STS: variants seen among roughly 807,000 people sequenced by gnomAD.
The protein encoded by STS is steryl-sulfatase.
Under a neutral mutation model 26.8 loss-of-function variants are expected in STS, and 7 were observed. The observed-to-expected ratio is 0.26, with a 90% CI of 0.15 to 0.49. STS has a LOEUF of 0.49. STS is among the 20% of genes least tolerant of loss of function. The pLI is 0.98. For missense variants in STS, 434 were observed against 465.6 expected (o/e 0.93, Z 0.63); for synonymous variants, 199 against 189.4 (o/e 1.05, Z -0.42).
At chrX:7,300,883 A>G (rs1285284016) in intron 7 of STS, among the ~76,000 whole-genome samples, 1 of 111,529 alleles carries the variant, frequency 9.0e-6, no homozygotes, top group African/African-American at 3.3e-5. Context: ...AGGATGCAGG[A>G]TATTTCAGTT....
chrX:7,258,165 T>C (rs181489673), intron 5 of STS, among the ~76,000 whole-genome samples: 139 of 99,630 alleles, frequency 1.4e-3, no homozygotes, highest in Non-Finnish European at 1.9e-3. Flanking sequence ...GGGACAAAGA[T>C]GAGATAGATA....
intron 2 of STS, among the ~76,000 whole-genome samples, chrX:7,202,150 A>T (rs1162737973): frequency 3.6e-5 from 4 of 111,717 alleles, no homozygotes; most frequent in African/African-American, 1.3e-4. Flanking sequence ...ACATAAATAC[A>T]TGTATTTAGC....
chrX:7,260,763 T>C (rs1474942502), intron 6 of STS, among the ~76,000 whole-genome samples: 2 of 111,923 alleles, frequency 1.8e-5, no homozygotes, highest in African/African-American at 6.5e-5. Flanking sequence ...GATAATGGCT[T>C]ATGTTTAGTT....
chrX:7,265,498 A>C (rs1176970458), intron 6 of STS, among the ~76,000 whole-genome samples: 2 of 112,342 alleles, frequency 1.8e-5, no homozygotes. Flanking sequence ...GATCATGAGG[A>C]TATTGAAGCC....
chrX:7,151,505 T>A (rs1233892205), intron 1 of STS, among the ~76,000 whole-genome samples: 1 of 112,145 alleles, frequency 8.9e-6, no homozygotes, highest in Non-Finnish European at 1.9e-5. Context: ...TTAGGAAGTC[T>A]CTTGCTTCAG....
chrX:7,152,100 C>A (rs1267511740), intron 1 of STS, among the ~76,000 whole-genome samples: 1 of 109,870 alleles, frequency 9.1e-6, no homozygotes, highest in Non-Finnish European at 1.9e-5. Flanking sequence ...CTACAGGCAC[C>A]CGCCACTATG....
chrX:7,204,403 A>C (rs1257325706), intron 2 of STS, among the ~76,000 whole-genome samples: 1 of 110,819 alleles, frequency 9.0e-6, no homozygotes, highest in Non-Finnish European at 1.9e-5. Flanking sequence ...TTGTTTTCTC[A>C]TTCATCATTT....
At chrX:7,292,574 A>G (rs1376974692) in intron 7 of STS, among the ~76,000 whole-genome samples, 2 of 111,164 alleles carry the variant, frequency 1.8e-5, no homozygotes, top group Non-Finnish European at 3.8e-5. Flanking sequence ...AAGCCAGTAA[A>G]TCCTTTAGCT....
At chrX:7,181,728 G>A (rs1279597173) in intron 1 of STS, among the ~76,000 whole-genome samples, 4 of 112,052 alleles carry the variant, frequency 3.6e-5, no homozygotes, top group African/African-American at 1.3e-4. Context: ...TTGAGGCTGA[G>A]ATGAAGCTTC....
chrX:7,331,640 G>C (rs1927753934), intron 9 of STS, among the ~76,000 whole-genome samples: 1 of 111,620 alleles, frequency 9.0e-6, no homozygotes, highest in African/African-American at 3.3e-5. Flanking sequence ...ATGGAAATGT[G>C]CTGTTCTCTG....
chrX:7,320,275 A>G lies in STS; in HGVS notation c.1082-5064A>G, dbSNP rs370428715. Among the ~76,000 whole-genome samples, 88 of 106,706 alleles carry G rather than the reference A, an allele frequency of 8.2e-4. 1 individual carries two copies. The South Asian group carries it at 0.027, about 33-fold the overall frequency. The allele number at this position is 106,706 out of a possible 115,157, so 92.7% of individuals were successfully genotyped here. A position where few individuals can be genotyped will look rare whatever the true frequency, so the allele number is the denominator to read the frequency against. The stretch of plus-strand genomic sequence containing the variant: ...TATATTTTTCACCCAGCTATCTGCA[A>G]TCTTACCATCCTACACAACTATGGT... On this transcript the variant is annotated intron_variant, in intron 8 of 10. Coordinates refer to ENST00000674429, the MANE Select transcript of STS (RefSeq NM_001320752.2).
chrX:7,204,040 C>T (rs1295543217), intron 2 of STS, among the ~76,000 whole-genome samples: 1 of 111,994 alleles, frequency 8.9e-6, no homozygotes, highest in Non-Finnish European at 1.9e-5. Flanking sequence ...CCACACTTGG[C>T]CTCCCAAAGT....
chrX:7,223,909 TTCC>T (rs1451248951), intron 2 of STS, among the ~76,000 whole-genome samples: 1 of 111,120 alleles, frequency 9.0e-6, no homozygotes, highest in Non-Finnish European at 1.9e-5. Flanking sequence ...TTTTTTCACT[TTCC>T]TCATCATGGA....
intron 10 of STS, among the ~76,000 whole-genome samples, chrX:7,346,866 G>T (rs181403755): frequency 5.5e-5 from 6 of 108,904 alleles, no homozygotes; most frequent in Non-Finnish European, 1.1e-4. Flanking sequence ...CCAGGAGTTC[G>T]AGACCAGCCT....
intron 7 of STS, among the ~76,000 whole-genome samples, chrX:7,284,989 T>C (rs1188813105): frequency 9.0e-6 from 1 of 110,692 alleles, no homozygotes; most frequent in African/African-American, 3.3e-5. Context: ...ATAGTGATAA[T>C]GTTGATGATG....
intron 7 of STS, among the ~76,000 whole-genome samples, chrX:7,293,165 G>A (rs1459583592): frequency 8.9e-6 from 1 of 112,010 alleles, no homozygotes; most frequent in African/African-American, 3.2e-5. Context: ...CTACTTCCGG[G>A]TTAGACTTCT....
chrX:7,279,464 A>G (rs1380006383), intron 7 of STS, among the ~76,000 whole-genome samples: 3 of 102,632 alleles, frequency 2.9e-5, no homozygotes, highest in African/African-American at 1.1e-4. Context: ...GGATCCTGGT[A>G]AAACAGGTTA....
intron 2 of STS, among the ~76,000 whole-genome samples, chrX:7,236,765 T>G (rs1922328819): frequency 1.8e-5 from 2 of 112,196 alleles, no homozygotes; most frequent in Non-Finnish European, 3.8e-5. Flanking sequence ...GCCAATTAAT[T>G]AGAGCTCTTT....
In STS at chrX:7,299,516, T is replaced by C. The variant is rs1460760551; in HGVS notation, c.944-5530T>C. ...TATAATATAAAACATATCTATGTTA[T>C]ATTTAATGAGCCTAATGCTTCCAAA... is the stretch of plus-strand genomic sequence containing the variant. On this transcript the variant is annotated intron_variant, in intron 7 of 10. Transcript: ENST00000674429. 4.6e-5 allele frequency among the ~76,000 whole-genome samples: 5 copies of C among 107,731 alleles called. No homozygotes were observed. In the East Asian group the frequency reaches 1.4e-3, roughly 31 times the overall value. The allele number at this position is 107,731 out of a possible 115,157, so 93.6% of individuals were successfully genotyped here.
Sources: gnomAD v4.1 joint callset for allele counts (sites outside exome capture counted in the v4.1 genomes callset) on GRCh38, gnomAD v4.1.1 for gene constraint, MANE v1.5 for transcripts, NCBI Gene and HGNC (gene_info 2026-07-23, HGNC 2026-07-21) for gene names.